ADCY2: variants seen among roughly 807,000 people sequenced by gnomAD.
The protein encoded by ADCY2 is adenylate cyclase type 2.
In ADCY2, 31 loss-of-function variants were observed where a neutral mutation model predicts 125.2. The ratio of observed to expected loss-of-function variants is 0.25; its 90% confidence interval spans 0.19 to 0.33. The LOEUF is 0.33. Ranked by LOEUF, ADCY2 falls within the 10% of genes least tolerant of loss-of-function variation. The probability of loss-of-function intolerance (pLI) is 1.00; values close to 1 mark genes in which losing one functional copy is unlikely to be tolerated. For missense variants in ADCY2, 904 were observed against 1,418.2 expected, an observed-to-expected ratio of 0.64 and a Z score of 5.82; for synonymous variants, 512 against 548.4, an observed-to-expected ratio of 0.93 and a Z score of 0.93.
intron 17 of ADCY2, among the ~76,000 whole-genome samples, chr5:7,768,472 C>T (rs1359167370): frequency 3.3e-5 from 5 of 152,102 alleles, no homozygotes; most frequent in Admixed American, 6.5e-5. Flanking sequence ...GTCCCCCTTT[C>T]GCATTCACGT....
intron 3 of ADCY2, among the ~76,000 whole-genome samples, chr5:7,525,647 C>T (rs1490700646): frequency 8.5e-6 from 1 of 116,972 alleles, no homozygotes; most frequent in Admixed American, 9.4e-5. Flanking sequence ...TTTACATCTA[C>T]ATTATAGATG....
At chr5:7,718,711 C>A (rs1033502378) in intron 12 of ADCY2, among the ~76,000 whole-genome samples, 13 of 152,146 alleles carry the variant, frequency 8.5e-5, no homozygotes, top group Non-Finnish European at 1.9e-4. Flanking sequence ...CCAAGGCCCA[C>A]TGGCAGCACC....
chr5:7,724,852 T>G (rs1741885680), intron 13 of ADCY2, among the ~76,000 whole-genome samples: 1 of 152,204 alleles, frequency 6.6e-6, no homozygotes, highest in Non-Finnish European at 1.5e-5. Context: ...AAATGGTATC[T>G]GCAATGTGTG....
At chr5:7,499,600 C>T (rs1743471884) in intron 2 of ADCY2, among the ~76,000 whole-genome samples, 1 of 145,584 alleles carries the variant, frequency 6.9e-6, no homozygotes, top group Admixed American at 7.0e-5. Context: ...GCAAATAATA[C>T]ATACCTATTT....
intron 8 of ADCY2, 90 bp downstream of exon 8, chr5:7,706,992 T>C (rs1322018621): frequency 3.3e-6 from 5 of 1,506,828 alleles, no homozygotes; most frequent in Non-Finnish European, 3.6e-6. Flanking sequence ...GCTCAGTTTT[T>C]GATCACTTCT....
chr5:7,623,452 C>A (rs1184937012), intron 3 of ADCY2, among the ~76,000 whole-genome samples: 1 of 152,136 alleles, frequency 6.6e-6, no homozygotes, highest in African/African-American at 2.4e-5. Flanking sequence ...AAGCAGATGG[C>A]CATTTTGCGG....
At chr5:7,410,749 AG>A (rs1052870167) in intron 1 of ADCY2, among the ~76,000 whole-genome samples, 1 of 152,102 alleles carries the variant, frequency 6.6e-6, no homozygotes, top group African/African-American at 2.4e-5. Flanking sequence ...TTTTCCACAA[AG>A]GGAGGAGGGG....
chr5:7,399,530 G>C (rs188374753), intron 1 of ADCY2, among the ~76,000 whole-genome samples: 1 of 152,138 alleles, frequency 6.6e-6, no homozygotes, highest in Non-Finnish European at 1.5e-5. Context: ...TTTATATGCT[G>C]TAAAAGTAAA....
At chr5:7,750,098 A>G (rs145203666) in intron 15 of ADCY2, among the ~76,000 whole-genome samples, 2 of 152,232 alleles carry the variant, frequency 1.3e-5, no homozygotes, top group African/African-American at 4.8e-5. Context: ...CTCTTATTTG[A>G]CAAGTGTGAT....
rs56089574 is a variant in ADCY2, at chr5:7,443,639, CAAAAAAAAA to C, written c.408+28891_408+28899del. On this transcript the variant is annotated intron_variant, in intron 2 of 24. Coordinates refer to ENST00000338316, the MANE Select transcript of ADCY2 (RefSeq NM_020546.3). ...TGGGCGACAGAGTAAGACTCTGTCT[CAAAAAAAAA>C]AAAAAAAAAAAAAAAAAAAAAGGAT... 9.8e-5 allele frequency among the ~76,000 whole-genome samples: 5 copies of C among 51,198 alleles called. 1 individual carries two copies. Among genetic ancestry groups the C allele is most frequent in the African/African-American group, 1.8e-4 (2 of 11,004 alleles). 33.6% of individuals were successfully genotyped at this position (51,198 alleles called of 152,430 possible).
At chr5:7,514,766 A>C (rs1744195696) in intron 2 of ADCY2, among the ~76,000 whole-genome samples, 1 of 152,204 alleles carries the variant, frequency 6.6e-6, no homozygotes, top group South Asian at 2.1e-4. Flanking sequence ...GCACAGACAC[A>C]TGGGAGCAAG....
intron 2 of ADCY2, among the ~76,000 whole-genome samples, chr5:7,482,406 T>C (rs1272359933): frequency 1.3e-5 from 2 of 152,324 alleles, no homozygotes; most frequent in East Asian, 3.9e-4. Flanking sequence ...TTCTTGATCA[T>C]TTCCTTTGCT....
At chr5:7,806,210 T>G (rs911307180) in intron 22 of ADCY2, among the ~76,000 whole-genome samples, 2 of 152,228 alleles carry the variant, frequency 1.3e-5, no homozygotes, top group African/African-American at 4.8e-5. Flanking sequence ...ATATTCTATT[T>G]ATAACCCAAA....
intron 2 of ADCY2, among the ~76,000 whole-genome samples, chr5:7,435,089 C>T (rs1186792309): frequency 1.3e-5 from 2 of 152,112 alleles, no homozygotes; most frequent in African/African-American, 4.8e-5. Flanking sequence ...GTTCTCCTTG[C>T]GTGTTTTCTT....
intron 2 of ADCY2, among the ~76,000 whole-genome samples, chr5:7,477,015 C>T (rs894891504): frequency 1.3e-5 from 2 of 152,110 alleles, no homozygotes; most frequent in Non-Finnish European, 2.9e-5. Context: ...AAGAGTACTT[C>T]TTGAAAACCA....
At chr5:7,733,415 T>A (rs1393531240) in intron 14 of ADCY2, among the ~76,000 whole-genome samples, 4 of 152,166 alleles carry the variant, frequency 2.6e-5, no homozygotes, top group East Asian at 1.9e-4. Context: ...GCAGGGTTTT[T>A]AATTTTGTTT....
chr5:7,789,507 G>A (rs1160265948), intron 19 of ADCY2, 135 bp from the exon 20 acceptor site: 3 of 796,168 alleles, frequency 3.8e-6, no homozygotes, highest in Non-Finnish European at 6.0e-6. Flanking sequence ...AGGGCTTTAT[G>A]GGGAGGGTGG....
At chr5:7,619,789 A>G (rs762788512) in intron 3 of ADCY2, among the ~76,000 whole-genome samples, 12 of 152,166 alleles carry the variant, frequency 7.9e-5, no homozygotes, top group Admixed American at 4.6e-4. Flanking sequence ...GTTTTCTTCT[A>G]TGGAGCCCTG....
At chr5:7,556,808 C>T (rs147688242) in intron 3 of ADCY2, among the ~76,000 whole-genome samples, 15 of 152,088 alleles carry the variant, frequency 9.9e-5, no homozygotes, top group African/African-American at 3.6e-4. Context: ...AGGTTGTGTG[C>T]TCCTTGTGAT....
Sources: allele counts gnomAD v4.1 joint callset (sites outside exome capture counted in the v4.1 genomes callset), GRCh38; gene constraint gnomAD v4.1.1; transcripts MANE v1.5; gene names NCBI Gene and HGNC (gene_info 2026-07-23, HGNC 2026-07-21).